KIF22: variants seen among roughly 807,000 people sequenced by gnomAD.
KIF22 encodes kinesin-like protein KIF22.
KIF22 carries 62 observed loss-of-function variants against 73.0 expected under a neutral mutation model. That is an observed-to-expected ratio of 0.85 (90% confidence interval 0.69 to 1.05). The LOEUF (loss-of-function observed/expected upper bound fraction) is 1.05, where lower values mean the gene tolerates loss of function less well. Among genes scored for constraint, KIF22 ranks in the 50% least tolerant of loss-of-function variants. The pLI, the probability that KIF22 is intolerant of heterozygous loss-of-function variation, is 0.00. For synonymous variants in KIF22, 411 were observed against 340.1 expected, an observed-to-expected ratio of 1.21 and a Z score of -2.29; for missense variants, 854 against 870.1, an observed-to-expected ratio of 0.98 and a Z score of 0.23.
chr16:29,796,813 C>T, intron 1 of KIF22, 80 bp from the exon 2 acceptor site: 11 of 1,378,024 alleles, frequency 8.0e-6, no homozygotes, highest in South Asian at 1.2e-5. Flanking sequence ...CTGTGGCCCC[C>T]AGCCCGCCCA....
At chr16:29,803,629 TG>T (rs766694472) in intron 10 of KIF22, 21 bp downstream of exon 10, 40 of 1,588,198 alleles carry the variant, frequency 2.5e-5, no homozygotes, top group Admixed American at 3.5e-5. Flanking sequence ...CTCCAGGGGC[TG>T]GGGGGCCAAG....
rs1018498735 is a variant in KIF22 at position 29,803,511 on chromosome 16, G to C, written c.1512G>C (p.Lys504Asn). 7.4e-6 allele frequency: 12 copies of C among 1,614,222 alleles called. No individual in the cohort carries two copies. The highest frequency in any genetic ancestry group is 1.0e-5 in the Non-Finnish European group (12 of 1,180,034). ...AKMLAQKAEE[K>N]ENHCPTMLRP... is the part of the protein sequence containing the mutation. ...TGTTGGCCCAGAAGGCTGAGGAAAA[G>C]GAGAACCATTGTCCCACAATGCTCC... is the stretch of plus-strand genomic sequence containing the variant. Residue 504 changes from lysine (K) to asparagine (N), a missense_variant, in exon 10 of 14, where the codon AAG (lysine) becomes AAC (asparagine). By Grantham distance (94) the Lys-to-Asn change is moderately conservative. Coordinates refer to ENST00000160827, the MANE Select transcript of KIF22 (RefSeq NM_007317.3).
At chr16:29,804,208 T>G in intron 11 of KIF22, 143 bp downstream of exon 11, 1 of 699,394 alleles carries the variant, frequency 1.4e-6, no homozygotes, top group East Asian at 2.7e-5. Flanking sequence ...TGCTTACCCC[T>G]GGAATGTGGT....
chr16:29,798,452 G>T lies in KIF22; in HGVS notation c.345G>T (p.Leu115Phe), dbSNP rs575510093. The change falls in exon 3 of 14, where the codon TTG (leucine) becomes TTT (phenylalanine). Residue 115 changes from leucine (L) to phenylalanine (F), a missense_variant. Leu to Phe is a conservative substitution (Grantham distance 22, BLOSUM62 0). This residue lies in a region of KIF22 where 245 missense variants were observed against 351.8 expected (regional missense o/e 0.70). Transcript: ENST00000160827. This position sits in a 1 kb window ranked among gnomAD's most constrained non-coding sequence, Gnocchi z 4.1. ...CAGTGCAGCCCATCCTAAGGCACTT[G>T]CTGGAAGGGCAGAATGCCAGTGTGC... ...AGSVQPILRH[L>F]LEGQNASVLA... is the part of the protein sequence containing the mutation. 1 of 1,614,174 alleles carries T rather than the reference G, an allele frequency of 6.2e-7. No homozygotes were observed. The highest frequency in any genetic ancestry group is 8.5e-7 in the Non-Finnish European group (1 of 1,180,050).
rs1018339588 is a variant in KIF22 at position 29,797,028 on chromosome 16, T to C, written c.206T>C (p.Met69Thr). 9.3e-6 allele frequency: 15 copies of C among 1,612,928 alleles called. No individual in the cohort carries two copies. The African/African-American group carries it at 1.9e-4, about 20-fold the overall frequency. ...AGTGATCCCCCCTGTGTGCGGGGCA[T>C]GGACAGCTGCTCTCTAGAGATTGCT... ...GASDPPCVRG[M>T]DSCSLEIANW... is the part of the protein sequence containing the mutation. Residue 69 changes from methionine to threonine, a missense_variant, in exon 2 of 14, where the codon ATG (methionine) becomes ACG (threonine). Coordinates refer to ENST00000160827, the MANE Select transcript of KIF22 (RefSeq NM_007317.3). This position sits in a 1 kb window ranked among gnomAD's most constrained non-coding sequence, Gnocchi z 4.1.
chr16:29,800,597 T>C (rs544270162), intron 8 of KIF22, among the ~76,000 whole-genome samples: 21 of 152,102 alleles, frequency 1.4e-4, no homozygotes, highest in African/African-American at 4.8e-4. Flanking sequence ...AAACCCCATC[T>C]CTACTAAAAA....
rs1487622233 is a variant in KIF22 at position 29,798,694 on chromosome 16, CG to C, written c.498del (p.Pro167HisfsTer11). 1 of 1,614,044 alleles carries C rather than the reference CG, an allele frequency of 6.2e-7. No individual in the cohort carries two copies. The highest frequency in any genetic ancestry group is 1.3e-5 in the African/African-American group (1 of 74,918). The stretch of plus-strand genomic sequence containing the variant: ...CACAAGGGAGGAGGGTGCCGAGGGC[CG>C]GCCATGGGCCCTTTCTGTCACCATG... ...QLTREEGAEG[R>X]PWALSVTMSY... On this transcript the variant is annotated frameshift_variant, in exon 4 of 14. Coordinates refer to ENST00000160827, the MANE Select transcript of KIF22 (RefSeq NM_007317.3). LOFTEE classifies it high-confidence loss of function. The surrounding 1 kb of genome is among the most constrained non-coding windows in gnomAD (Gnocchi z 4.1).
intron 11 of KIF22, chr16:29,804,498 T>C (rs895006320): frequency 1.1e-5 from 7 of 648,584 alleles, no homozygotes; most frequent in Middle Eastern, 3.4e-4. Context: ...AGCTTATTCT[T>C]TCCCTTTTAG....
Position 29,804,989 on chromosome 16 carries a change from T to A in KIF22, c.1853T>A (p.Ile618Asn). ...QRIGPKKAQLIVGWRELHGPF... is the reference protein window; with the variant it reads ...QRIGPKKAQLNVGWRELHGPF... ...ATTGGCCCGAAGAAGGCCCAGCTAA[T>A]CGTGGGCTGGCGGGAGCTCCACGGC... Residue 618 changes from isoleucine (I) to asparagine (N), a missense_variant, in exon 12 of 14, where the codon ATC becomes AAC. Around this residue, in one of 3 missense-constraint regions of KIF22, gnomAD observed 423 missense variants for 365.4 expected, o/e 1.16. Transcript: ENST00000160827. The A allele has an allele frequency of 6.3e-7, 1 of 1,586,426 alleles. No homozygotes were observed. Among genetic ancestry groups the A allele is most frequent in the Non-Finnish European group, 8.6e-7 (1 of 1,164,144 alleles).
In KIF22 at chr16:29,803,438, C is replaced by T; in HGVS notation, c.1450-11C>T. ...GGGTCTGGATCACATCTCCCTGATC[C>T]TTTCCAACAGAGGCTTAAGACGAAG... On this transcript the variant is annotated splice_polypyrimidine_tract_variant and intron_variant, in intron 9 of 13. Coordinates refer to ENST00000160827, the MANE Select transcript of KIF22 (RefSeq NM_007317.3). The T allele has an allele frequency of 1.2e-6, 2 of 1,613,810 alleles. No homozygotes were observed. Among genetic ancestry groups the T allele is most frequent in the Non-Finnish European group, 1.7e-6 (2 of 1,179,912 alleles).
chr16:29,797,724 C>T lies in KIF22; in HGVS notation c.266+636C>T, dbSNP rs575650915. The stretch of plus-strand genomic sequence containing the variant: ...AAAATATGTACAATCTGCCTTTTTA[C>T]AGAAGTTTGCTAGCTCCCATACTAG... On this transcript the variant is annotated intron_variant, in intron 2 of 13. Coordinates refer to ENST00000160827, the MANE Select transcript of KIF22 (RefSeq NM_007317.3). The surrounding 1 kb of genome is among the most constrained non-coding windows in gnomAD (Gnocchi z 4.1). Among the ~76,000 whole-genome samples, 1 of 152,294 alleles carries T rather than the reference C, an allele frequency of 6.6e-6. No individual in the cohort carries two copies. Among genetic ancestry groups the T allele is most frequent in the East Asian group, 1.9e-4 (1 of 5,192 alleles).
chr16:29,802,889 G>A lies in KIF22; in HGVS notation c.1401G>A (p.Glu467=), dbSNP rs1191671990. 5.0e-6 allele frequency: 8 copies of A among 1,612,534 alleles called. No homozygotes were observed. In the Admixed American group the frequency reaches 8.4e-5, roughly 17 times the overall value. ...GAPLLSTPKR[E]RMVLMKTVEE... is the part of the protein sequence containing the mutation. ...CTCTGTTGAGTACCCCAAAGCGAGAGCGGATGGTGCTAATGAAGACAGTGG... is the reference window on the plus strand; with the variant it reads ...CTCTGTTGAGTACCCCAAAGCGAGAACGGATGGTGCTAATGAAGACAGTGG... Residue 467 remains glutamate, a synonymous_variant, in exon 9 of 14, where the codon GAG becomes GAA. Coordinates refer to ENST00000160827, the MANE Select transcript of KIF22 (RefSeq NM_007317.3).
At chr16:29,791,014 T>C in intron 1 of KIF22, 185 bp downstream of exon 1, 2 of 1,450,582 alleles carry the variant, frequency 1.4e-6, no homozygotes, top group Non-Finnish European at 9.1e-7. Context: ...TCCTGCCTTC[T>C]CCCTGTTTCC....
In KIF22 at chr16:29,805,336, C is replaced by G; in HGVS notation, c.*26C>G. 6.2e-7 allele frequency: 1 copy of G among 1,608,948 alleles called. No individual in the cohort carries two copies. The highest frequency in any genetic ancestry group is 1.3e-5 in the African/African-American group (1 of 75,028). On this transcript the variant is annotated 3_prime_UTR_variant, in exon 14 of 14. Transcript: ENST00000160827. Reference sequence around the variant, plus strand: ...CCGTCGTCTCCTCACTCCGCCTTTTCAAATTTTTGTATAACCCCGTGTTGT... The same window carrying G: ...CCGTCGTCTCCTCACTCCGCCTTTTGAAATTTTTGTATAACCCCGTGTTGT...
At chr16:29,800,514 C>T (rs780218335) in intron 8 of KIF22, among the ~76,000 whole-genome samples, 37 of 149,888 alleles carry the variant, frequency 2.5e-4, no homozygotes, top group Non-Finnish European at 4.6e-4. Context: ...CCTGTAATCC[C>T]AGCACTTTGG....
chr16:29,795,697 AAT>A (rs1898932047), intron 1 of KIF22, among the ~76,000 whole-genome samples: 1 of 152,192 alleles, frequency 6.6e-6, no homozygotes, highest in Non-Finnish European at 1.5e-5. Flanking sequence ...CCCCCACAAA[AAT>A]AGAGGGCTTT....
intron 8 of KIF22, among the ~76,000 whole-genome samples, chr16:29,801,284 G>A (rs938977518): frequency 1.3e-5 from 2 of 152,244 alleles, no homozygotes; most frequent in Admixed American, 6.5e-5. Context: ...TAGCCCTTGC[G>A]CTATTCCCTC....
chr16:29,805,054 C>T (rs779412074), intron 12 of KIF22, 28 bp downstream of exon 12: 15 of 674,514 alleles, frequency 2.2e-5, no homozygotes, highest in South Asian at 4.1e-5. Context: ...TGGGGGAGGG[C>T]GGGGGCGGGG....
intron 10 of KIF22, 88 bp from the exon 11 acceptor site, chr16:29,803,910 G>T (rs1206336406): frequency 2.0e-6 from 2 of 1,010,198 alleles, no homozygotes; most frequent in South Asian, 2.6e-5. Context: ...GGGGAGCTGG[G>T]GAATCAGAAA....
Sources: gnomAD v4.1 joint callset for allele counts (sites outside exome capture counted in the v4.1 genomes callset) on GRCh38, gnomAD v4.1.1 for gene constraint, gnomAD v4.1.1 regional missense constraint, Gnocchi (gnomAD v3.1) non-coding constraint, MANE v1.5 for transcripts, NCBI Gene and HGNC (gene_info 2026-07-23, HGNC 2026-07-21) for gene names.